Variants in IQSEC2 observed in about 807,000 individuals in gnomAD.
The protein encoded by IQSEC2 is IQ motif and SEC7 domain-containing protein 2.
In IQSEC2, 6 loss-of-function variants were observed where a neutral mutation model predicts 74.6. The observed-to-expected ratio is 0.08, with a 90% CI of 0.04 to 0.16. The LOEUF (loss-of-function observed/expected upper bound fraction) is 0.16, where lower values mean the gene tolerates loss of function less well. Ranked by LOEUF, IQSEC2 falls within the 10% of genes least tolerant of loss-of-function variation. The probability of loss-of-function intolerance (pLI) is 1.00; values close to 1 mark genes in which losing one functional copy is unlikely to be tolerated. For missense variants in IQSEC2, 734 were observed against 1,306.2 expected (o/e 0.56, Z 6.75); for synonymous variants, 494 against 544.5 (o/e 0.91, Z 1.29).
At chrX:53,295,387 A>G (rs200305787) in intron 1 of IQSEC2, among the ~76,000 whole-genome samples, 5 of 110,270 alleles carry the variant, frequency 4.5e-5, no homozygotes, top group Admixed American at 1.9e-4. Context: ...GGCAGATCAC[A>G]AGGTCAGGAG....
At chrX:53,320,017 G>A (rs1452697085) in intron 1 of IQSEC2, among the ~76,000 whole-genome samples, 6 of 110,147 alleles carry the variant, frequency 5.4e-5, no homozygotes, top group African/African-American at 2.0e-4. Context: ...GGCGGGGGTG[G>A]GGGGCTTTCT....
At chrX:53,243,239 G>A in intron 9 of IQSEC2, 93 bp downstream of exon 9, 3 of 759,326 alleles carry the variant, frequency 4.0e-6, no homozygotes, top group Non-Finnish European at 5.9e-6. Context: ...CAGGTAAAGG[G>A]CACCTGGGGC....
chrX:53,236,458 G>C lies in IQSEC2; in HGVS notation c.3315C>G (p.Asn1105Lys), dbSNP rs782474044. Residue 1105 changes from asparagine (N) to lysine (K), a missense_variant, in exon 13 of 15, where the codon AAC becomes AAG. Around this residue, in one of 12 missense-constraint regions of IQSEC2, gnomAD observed 249 missense variants for 467.9 expected, o/e 0.53. Transcript: ENST00000642864. ...CCTTGGCCCCTCCAGGCTGTGAGGC[G>C]TTAGGCCGCATCATACCTTTCTGCT... ...LEKQKGMMRP[N>K]ASQPGGAKDS... 8.3e-7 allele frequency: 1 copy of C among 1,200,165 alleles called. No homozygotes were observed. The highest frequency in any genetic ancestry group is 1.7e-5 in the African/African-American group (1 of 57,297).
downstream of IQSEC2, chrX:53,229,884 T>G (rs1556858175): frequency 1.8e-5 from 2 of 111,810 alleles, no homozygotes; most frequent in African/African-American, 6.5e-5. Flanking sequence ...AACTTTACAG[T>G]GCAGGTACTA....
chrX:53,306,554 G>A (rs1329493766), intron 1 of IQSEC2, among the ~76,000 whole-genome samples: 1 of 111,256 alleles, frequency 9.0e-6, no homozygotes, highest in Non-Finnish European at 1.9e-5. Flanking sequence ...CTATGTGGGG[G>A]GCCTACTAAT....
chrX:53,288,588 C>G (rs1190344982), intron 2 of IQSEC2, among the ~76,000 whole-genome samples: 1 of 112,140 alleles, frequency 8.9e-6, no homozygotes, highest in African/African-American at 3.2e-5. Context: ...AAGTTCTACA[C>G]TTGTTCACAT....
intron 10 of IQSEC2, among the ~76,000 whole-genome samples, chrX:53,239,795 C>T (rs1223684961): frequency 8.9e-6 from 1 of 111,948 alleles, no homozygotes; most frequent in Non-Finnish European, 1.9e-5. Flanking sequence ...GTCTTCCTCT[C>T]AACAACCCAA....
At chrX:53,307,433 C>T (rs1189360681) in intron 1 of IQSEC2, among the ~76,000 whole-genome samples, 2 of 105,562 alleles carry the variant, frequency 1.9e-5, no homozygotes, top group African/African-American at 3.4e-5. Context: ...TGAGCCACCA[C>T]GCCTGGCTCA....
intron 3 of IQSEC2, 136 bp from the exon 4 acceptor site, chrX:53,255,067 A>T: frequency 1.8e-6 from 1 of 553,233 alleles, no homozygotes; most frequent in Non-Finnish European, 2.9e-6. Context: ...CTAGGTGCTC[A>T]GTGTTGTCTC....
At chrX:53,236,192 G>T (rs2147013003) in intron 13 of IQSEC2, 130 bp downstream of exon 13, 1 of 787,339 alleles carries the variant, frequency 1.3e-6, no homozygotes, top group South Asian at 2.3e-5. Context: ...GCAGCGCCCA[G>T]GGCTCTGGGT....
intron 1 of IQSEC2, among the ~76,000 whole-genome samples, chrX:53,314,034 C>G (rs1237312996): frequency 8.9e-6 from 1 of 111,869 alleles, no homozygotes; most frequent in African/African-American, 3.3e-5. Flanking sequence ...ATTTGTTGCC[C>G]AGGCTGGAGT....
rs1183561804 is a variant in IQSEC2, at chrX:53,236,174, C to T, written c.3451+148G>A. 2.9e-6 allele frequency: 2 copies of T among 686,377 alleles called. 1 individual carries two copies. Among genetic ancestry groups the T allele is most frequent in the Non-Finnish European group, 4.4e-6 (2 of 458,003 alleles). 56.6% of individuals were successfully genotyped at this position (686,377 alleles called of 1,213,427 possible). A position where few individuals can be genotyped will look rare whatever the true frequency, so the allele number is the denominator to read the frequency against. ...CTGCTCTGACCTGGCTCCCAGGCCC[C>T]CTGTGGCGCAGCGCCCAGGGCTCTG... On this transcript the variant is annotated intron_variant, in intron 13 of 14. Transcript: ENST00000642864.
intron 2 of IQSEC2, among the ~76,000 whole-genome samples, chrX:53,289,256 AC>A (rs201831504): frequency 0.034 from 3,759 of 109,220 alleles, 187 homozygotes; most frequent in African/African-American, 0.12. Flanking sequence ...AGAGCAACCC[AC>A]CCCCCAAATG....
chrX:53,242,990 G>A (rs1217002540), intron 9 of IQSEC2, among the ~76,000 whole-genome samples: 3 of 111,736 alleles, frequency 2.7e-5, no homozygotes, highest in Non-Finnish European at 3.8e-5. Context: ...CACCCACCTC[G>A]GCCTCCCAAA....
At chrX:53,287,933 T>C (rs2075049507) in intron 2 of IQSEC2, among the ~76,000 whole-genome samples, 1 of 112,117 alleles carries the variant, frequency 8.9e-6, no homozygotes, top group Non-Finnish European at 1.9e-5. Context: ...CTCTGACTCC[T>C]CTAGACTTCT....
At chrX:53,248,289 C>T (rs1479654408) in intron 6 of IQSEC2, 53 bp from the exon 7 acceptor site, 1 of 1,187,568 alleles carries the variant, frequency 8.4e-7, no homozygotes, top group Non-Finnish European at 1.1e-6. Context: ...CAGAAAACCT[C>T]TGACCCACCT....
At chrX:53,279,319 C>T (rs2074899126) in intron 2 of IQSEC2, 1 of 390,344 alleles carries the variant, frequency 2.6e-6, no homozygotes, top group African/African-American at 2.5e-5. Flanking sequence ...TAGTCTAGGA[C>T]CAACCACTCA....
intron 2 of IQSEC2, among the ~76,000 whole-genome samples, chrX:53,289,835 G>C (rs781797982): frequency 3.6e-5 from 4 of 111,538 alleles, no homozygotes; most frequent in Non-Finnish European, 7.5e-5. Flanking sequence ...TGCTGGCTTT[G>C]GAATCAGACA....
At chrX:53,277,057 C>G (rs1212117386) in intron 2 of IQSEC2, among the ~76,000 whole-genome samples, 1 of 110,427 alleles carries the variant, frequency 9.1e-6, no homozygotes, top group Non-Finnish European at 1.9e-5. Flanking sequence ...TTGTTTAAAC[C>G]TGTCTAGTTA....
Sources: allele counts gnomAD v4.1 joint callset (sites outside exome capture counted in the v4.1 genomes callset), GRCh38; gene constraint gnomAD v4.1.1; regional missense constraint gnomAD v4.1.1; transcripts MANE v1.5; gene names NCBI Gene and HGNC (gene_info 2026-07-23, HGNC 2026-07-21).